Variants in GRID1 observed in about 807,000 individuals in gnomAD.
GRID1 encodes the protein glutamate ionotropic receptor delta type subunit 1, also known as glutamate receptor ionotropic, delta-1.
Under a neutral mutation model 98.0 loss-of-function variants are expected in GRID1, and 28 were observed. The observed-to-expected ratio is 0.29, with a 90% CI of 0.21 to 0.39. The LOEUF is 0.39. Among genes scored for constraint, GRID1 ranks in the 10% least tolerant of loss-of-function variants. GRID1 has a pLI of 1.00. For synonymous variants in GRID1, 553 were observed against 538.5 expected (o/e 1.03, Z -0.37); for missense variants, 1,111 against 1,340.5 (o/e 0.83, Z 2.67).
chr10:85,676,077 T>G (rs1363112255), intron 12 of GRID1, among the ~76,000 whole-genome samples: 1 of 152,198 alleles, frequency 6.6e-6, no homozygotes, highest in Non-Finnish European at 1.5e-5. Flanking sequence ...GAGATTTTCA[T>G]GGCAGCAAAG....
Position 85,869,055 on chromosome 10 carries a change from G to A in GRID1, c.906C>T (p.Ser302=), listed in dbSNP as rs781449010. The A allele has an allele frequency of 6.2e-7, 1 of 1,614,060 alleles. No homozygotes were observed. Among genetic ancestry groups the A allele is most frequent in the African/African-American group, 1.3e-5 (1 of 75,034 alleles). ...CTTCCTGGGGGTCGCAGAGCAGGGA[G>A]GAGATGCGGTGGTTGTTCCTCGTGC... ...QKCTRNNHRI[S]SLLCDPQEGY... is the part of the protein sequence containing the mutation. The change falls in exon 6 of 16, where the codon TCC becomes TCT. Residue 302 remains serine, a synonymous_variant. Transcript: ENST00000327946.
chr10:85,773,136 G>T (rs1480259543), intron 8 of GRID1, among the ~76,000 whole-genome samples: 2 of 152,068 alleles, frequency 1.3e-5, no homozygotes, highest in East Asian at 3.8e-4. Flanking sequence ...TGATCAAGTG[G>T]GCTTCATCCC....
intron 4 of GRID1, among the ~76,000 whole-genome samples, chr10:86,131,171 G>A (rs140211060): frequency 7.9e-5 from 12 of 151,234 alleles, no homozygotes; most frequent in East Asian, 5.8e-4. Context: ...CTCATGACCC[G>A]CCCCCTCCCC....
intron 8 of GRID1, among the ~76,000 whole-genome samples, chr10:85,811,878 C>A (rs1344096461): frequency 6.6e-6 from 1 of 152,140 alleles, no homozygotes; most frequent in Non-Finnish European, 1.5e-5. Flanking sequence ...AGATTAAACA[C>A]AAACACATCC....
chr10:86,197,664 G>A (rs1156586300), intron 3 of GRID1, among the ~76,000 whole-genome samples: 3 of 152,060 alleles, frequency 2.0e-5, no homozygotes, highest in Non-Finnish European at 1.5e-5. Flanking sequence ...GCAGCACACC[G>A]GGGCATGTGT....
At chr10:85,851,580 T>C (rs1241990844) in intron 8 of GRID1, among the ~76,000 whole-genome samples, 1 of 152,204 alleles carries the variant, frequency 6.6e-6, no homozygotes, top group Non-Finnish European at 1.5e-5. Context: ...CCCTCCAGGG[T>C]ATTTAAGAAA....
intron 3 of GRID1, among the ~76,000 whole-genome samples, chr10:86,157,161 C>T (rs1379335720): frequency 6.6e-6 from 1 of 152,142 alleles, no homozygotes; most frequent in African/African-American, 2.4e-5. Flanking sequence ...GCTACGAGTT[C>T]TGATGGGGGC....
intron 2 of GRID1, among the ~76,000 whole-genome samples, chr10:86,222,971 G>T (rs1408589524): frequency 6.6e-6 from 1 of 152,150 alleles, no homozygotes; most frequent in Non-Finnish European, 1.5e-5. Flanking sequence ...GCTCAGCTGG[G>T]GTCATAGGGT....
intron 2 of GRID1, among the ~76,000 whole-genome samples, chr10:86,352,334 C>T (rs1340845962): frequency 6.6e-6 from 1 of 152,228 alleles, no homozygotes; most frequent in African/African-American, 2.4e-5. Context: ...AGGGTTTGCT[C>T]ACAGCCCTTC....
intron 2 of GRID1, among the ~76,000 whole-genome samples, chr10:86,210,389 A>G (rs1475032245): frequency 2.0e-5 from 3 of 152,102 alleles, no homozygotes; most frequent in Admixed American, 6.5e-5. Flanking sequence ...CTCAGCCTCC[A>G]TTTTCTATTA....
rs557025021 is a variant in GRID1 at position 85,672,929 on chromosome 10, C to A, written c.1998-25532G>T. 5.3e-5 allele frequency among the ~76,000 whole-genome samples: 8 copies of A among 152,312 alleles called. No homozygotes were observed. The South Asian group carries it at 1.7e-3, about 32-fold the overall frequency. The stretch of plus-strand genomic sequence containing the variant: ...GCTGTAGCTGCCATAGATAGTGATT[C>A]TTCTGATGGATCTGGGCAAAGTAAA... On this transcript the variant is annotated intron_variant, in intron 12 of 15. Transcript: ENST00000327946.
intron 2 of GRID1, among the ~76,000 whole-genome samples, chr10:86,320,212 G>A (rs1847950770): frequency 6.6e-6 from 1 of 152,214 alleles, no homozygotes; most frequent in African/African-American, 2.4e-5. Flanking sequence ...GAATCACTAA[G>A]CGAATGAGGA....
intron 2 of GRID1, among the ~76,000 whole-genome samples, chr10:86,360,919 C>A (rs1848592479): frequency 6.6e-6 from 1 of 152,232 alleles, no homozygotes; most frequent in Admixed American, 6.5e-5. Context: ...AGCGACAGCA[C>A]CACTCCACTG....
chr10:86,123,414 T>A (rs76579449), intron 4 of GRID1, among the ~76,000 whole-genome samples: 1,725 of 152,214 alleles, frequency 0.011, 16 homozygotes, highest in African/African-American at 0.025. Context: ...GGTAGGGGCA[T>A]CACACAGTTT....
intron 2 of GRID1, among the ~76,000 whole-genome samples, chr10:86,272,486 T>A (rs1321711858): frequency 2.0e-5 from 3 of 152,158 alleles, no homozygotes; most frequent in African/African-American, 7.2e-5. Flanking sequence ...TATAAGACCT[T>A]CATCTCTAGT....
At chr10:86,010,814 CAAA>C (rs58304694) in intron 4 of GRID1, among the ~76,000 whole-genome samples, 3 of 114,538 alleles carry the variant, frequency 2.6e-5, no homozygotes, top group African/African-American at 3.4e-5. Flanking sequence ...ACTATGTCTC[CAAA>C]AAAAAAAAAA....
intron 12 of GRID1, among the ~76,000 whole-genome samples, chr10:85,693,017 G>C (rs1841351098): frequency 6.6e-6 from 1 of 152,164 alleles, no homozygotes; most frequent in Non-Finnish European, 1.5e-5. Context: ...AGCGATGACT[G>C]ACCTTATCAG....
At chr10:85,780,316 A>G (rs1842369890) in intron 8 of GRID1, among the ~76,000 whole-genome samples, 1 of 152,178 alleles carries the variant, frequency 6.6e-6, no homozygotes, top group African/African-American at 2.4e-5. Flanking sequence ...GCCCAGATGC[A>G]ATGGCCACCA....
At chr10:85,868,541 C>T (rs980843827) in intron 6 of GRID1, among the ~76,000 whole-genome samples, 2 of 152,164 alleles carry the variant, frequency 1.3e-5, no homozygotes, top group Non-Finnish European at 2.9e-5. Flanking sequence ...AGCTGAGCAT[C>T]CAACAGTGTC....
Sources: allele counts gnomAD v4.1 joint callset (sites outside exome capture counted in the v4.1 genomes callset), GRCh38; gene constraint gnomAD v4.1.1; transcripts MANE v1.5; gene names NCBI Gene and HGNC (gene_info 2026-07-23, HGNC 2026-07-21).